Variants in PRPF18 observed in about 807,000 individuals in gnomAD.
PRPF18 encodes the protein pre-mRNA-splicing factor 18.
Under a neutral mutation model 46.5 loss-of-function variants are expected in PRPF18, and 38 were observed. The observed-to-expected ratio is 0.82, with a 90% CI of 0.63 to 1.07. The LOEUF (loss-of-function observed/expected upper bound fraction) is 1.07. Among genes scored for constraint, PRPF18 ranks in the 50% least tolerant of loss-of-function variants. The pLI is 0.00. For missense variants in PRPF18, 263 were observed against 410.0 expected (o/e 0.64, Z 3.10); for synonymous variants, 152 against 146.7 (o/e 1.04, Z -0.26).
chr10:13,631,147 A>G (rs1255435597), downstream of PRPF18: 1 of 152,324 alleles, frequency 6.6e-6, no homozygotes, highest in Non-Finnish European at 1.5e-5. Context: ...ACACCCGCCA[A>G]CAGAGGAGGA....
chr10:13,605,778 C>CT (rs2080174764), intron 4 of PRPF18, 34 bp downstream of exon 4: 9 of 1,589,282 alleles, frequency 5.7e-6, no homozygotes, highest in Non-Finnish European at 7.7e-6. Context: ...AAAAATACCA[C>CT]TGTACTGCAT....
the PRPF18 span, chr10:13,651,898 G>T: frequency 6.7e-7 from 1 of 1,489,942 alleles, no homozygotes; most frequent in Non-Finnish European, 9.4e-7. Context: ...CTCCCCTTAC[G>T]GTACCTCTAT....
chr10:13,613,895 G>C lies in PRPF18; in HGVS notation c.720+14G>C. 1.3e-6 allele frequency: 2 copies of C among 1,592,570 alleles called. No homozygotes were observed. The highest frequency in any genetic ancestry group is 1.7e-6 in the Non-Finnish European group (2 of 1,174,460). On this transcript the variant is annotated intron_variant, in intron 7 of 9. Transcript: ENST00000378572. ...CTACGGAAAAGGGTGAGGTTTCTTGGAAAATACTTTTTTTAACTGACTTTA... is the reference window on the plus strand; with the variant it reads ...CTACGGAAAAGGGTGAGGTTTCTTGCAAAATACTTTTTTTAACTGACTTTA...
intron 9 of PRPF18, among the ~76,000 whole-genome samples, chr10:13,628,254 C>G (rs566042216): frequency 5.8e-4 from 89 of 152,292 alleles, no homozygotes; most frequent in African/African-American, 2.1e-3. Flanking sequence ...CTTGAATCCA[C>G]CAAGGACTTT....
the PRPF18 span, chr10:13,654,258 GGT>G: frequency 1.5e-6 from 1 of 656,100 alleles, no homozygotes; most frequent in Middle Eastern, 2.5e-4. Flanking sequence ...AGTAGGCAGA[GGT>G]GACAGCAGAT....
chr10:13,642,738 A>G, the PRPF18 span: 3 of 152,082 alleles, frequency 2.0e-5, no homozygotes, highest in African/African-American at 7.2e-5. Flanking sequence ...GTCTTTTTTC[A>G]AGTGTAGATG....
chr10:13,595,663 A>G (rs1052729933), intron 1 of PRPF18, among the ~76,000 whole-genome samples: 1 of 152,056 alleles, frequency 6.6e-6, no homozygotes. Context: ...GGTTAATACT[A>G]TTTGCCCCCA....
At chr10:13,609,100 T>C (rs1446677642) in intron 4 of PRPF18, among the ~76,000 whole-genome samples, 1 of 152,254 alleles carries the variant, frequency 6.6e-6, no homozygotes, top group Non-Finnish European at 1.5e-5. Context: ...AATGATCAGA[T>C]GCTTTTTGTG....
At chr10:13,609,964 A>G in intron 4 of PRPF18, 75 bp from the exon 5 acceptor site, 3 of 1,426,214 alleles carry the variant, frequency 2.1e-6, no homozygotes, top group Non-Finnish European at 2.9e-6. Flanking sequence ...GCAGTTATTA[A>G]TGAAAAATCA....
At chr10:13,650,856 C>T in the PRPF18 span, among the ~76,000 whole-genome samples, 1 of 152,224 alleles carries the variant, frequency 6.6e-6, no homozygotes, top group East Asian at 1.9e-4. Flanking sequence ...CCTCCCACGG[C>T]AGGCTTCTGA....
chr10:13,629,435 G>A (rs74502676), intron 9 of PRPF18, among the ~76,000 whole-genome samples: 1,836 of 152,276 alleles, frequency 0.012, 41 homozygotes, highest in African/African-American at 0.042. Flanking sequence ...GTAATAAAAT[G>A]AATGTCTAAA....
the PRPF18 span, chr10:13,652,179 C>T: frequency 1.3e-3 from 765 of 592,868 alleles, 17 homozygotes; most frequent in South Asian, 0.013. Flanking sequence ...TTAGGAGGGA[C>T]GGGCCCTCTT....
intron 9 of PRPF18, among the ~76,000 whole-genome samples, chr10:13,617,174 A>T (rs1006886625): frequency 1.3e-5 from 2 of 152,248 alleles, no homozygotes; most frequent in African/African-American, 4.8e-5. Context: ...GATTGTCATA[A>T]ATCCCAGATT....
At chr10:13,623,489 C>G (rs977877386) in intron 9 of PRPF18, among the ~76,000 whole-genome samples, 13 of 152,094 alleles carry the variant, frequency 8.5e-5, no homozygotes, top group Admixed American at 7.9e-4. Flanking sequence ...TCTTCACGTT[C>G]TTAGGATGTA....
intron 1 of PRPF18, among the ~76,000 whole-genome samples, chr10:13,591,237 T>A (rs892077051): frequency 7.2e-5 from 11 of 152,200 alleles, no homozygotes; most frequent in South Asian, 6.2e-4. Context: ...TGCAGAATAG[T>A]TGCTTTATAT....
chr10:13,621,615 C>G (rs983650138), intron 9 of PRPF18, among the ~76,000 whole-genome samples: 4 of 152,196 alleles, frequency 2.6e-5, no homozygotes, highest in African/African-American at 9.7e-5. Flanking sequence ...ATCCTCGAAA[C>G]TACTACCATC....
At chr10:13,635,852 A>G (rs562080590), downstream of PRPF18, among the ~76,000 whole-genome samples, 4 of 152,304 alleles carry the variant, frequency 2.6e-5, no homozygotes, top group Non-Finnish European at 5.9e-5. Flanking sequence ...ATTTTTTTTA[A>G]TATGGAGATA....
chr10:13,623,150 G>A (rs999019844), intron 9 of PRPF18, among the ~76,000 whole-genome samples: 5 of 152,044 alleles, frequency 3.3e-5, no homozygotes. Flanking sequence ...GCAGTGAGCC[G>A]AGATTGCGCC....
chr10:13,652,211 A>G, the PRPF18 span: 1 of 573,520 alleles, frequency 1.7e-6, no homozygotes, highest in Non-Finnish European at 3.1e-6. Flanking sequence ...CTCATTTTGT[A>G]TCACATCATA....
Sources: allele counts gnomAD v4.1 joint callset (sites outside exome capture counted in the v4.1 genomes callset), GRCh38; gene constraint gnomAD v4.1.1; transcripts MANE v1.5; gene names NCBI Gene and HGNC (gene_info 2026-07-23, HGNC 2026-07-21).